Variants in SP100 observed in about 807,000 individuals in gnomAD.
SP100 encodes the protein SP100 nuclear body protein, also known as nuclear autoantigen Sp-100.
SP100 carries 84 observed loss-of-function variants against 130.0 expected under a neutral mutation model. The ratio of observed to expected loss-of-function variants is 0.65; its 90% CI spans 0.54 to 0.77. The LOEUF is 0.77. SP100 is among the 30% of genes least tolerant of loss of function. The pLI, the probability that SP100 is intolerant of heterozygous loss-of-function variation, is 0.00. For missense variants in SP100, 978 were observed against 1,052.2 expected (o/e 0.93, Z 0.97); for synonymous variants, 331 against 351.7 (o/e 0.94, Z 0.66).
At chr2:230,476,748 G>A (rs1176825558) in intron 17 of SP100, among the ~76,000 whole-genome samples, 2 of 152,104 alleles carry the variant, frequency 1.3e-5, no homozygotes, top group Non-Finnish European at 2.9e-5. Context: ...CTGCTTTAAT[G>A]TGCATTGTTT....
At chr2:230,537,447 G>T (rs1691990469) in intron 24 of SP100, among the ~76,000 whole-genome samples, 3 of 152,152 alleles carry the variant, frequency 2.0e-5, no homozygotes, top group Admixed American at 2.0e-4. Flanking sequence ...CATCTCTGGG[G>T]TCTGCATAAC....
At chr2:230,499,281 G>A (rs983895838) in intron 19 of SP100, among the ~76,000 whole-genome samples, 1 of 151,184 alleles carries the variant, frequency 6.6e-6, no homozygotes, top group East Asian at 1.9e-4. Flanking sequence ...GATGATTCTG[G>A]AACTCTGATG....
chr2:230,489,919 T>A (rs1384942257), intron 17 of SP100, among the ~76,000 whole-genome samples: 1 of 152,180 alleles, frequency 6.6e-6, no homozygotes, highest in African/African-American at 2.4e-5. Flanking sequence ...TGCTGAGGAG[T>A]ATTTTACTTC....
chr2:230,447,694 T>C (rs2063769152), intron 5 of SP100, among the ~76,000 whole-genome samples: 2 of 152,240 alleles, frequency 1.3e-5, no homozygotes, highest in Non-Finnish European at 2.9e-5. Context: ...CTGCCCTCTC[T>C]GGGACACGAC....
At position 230,464,133 on chromosome 2, in the gene SP100, G is replaced by A. The variant is rs758471253; in HGVS notation, c.1124G>A (p.Arg375Gln). Residue 375 changes from arginine (R) to glutamine (Q), a missense_variant, in exon 11 of 29, where the codon CGA becomes CAA. Coordinates refer to ENST00000340126, the MANE Select transcript of SP100 (RefSeq NM_001080391.2). ...GAGGGCCAAGAAGCCACTTGCTCACGACCCCAGATTGTACCAGGTAAGAAT... is the reference window on the plus strand; with the variant it reads ...GAGGGCCAAGAAGCCACTTGCTCACAACCCCAGATTGTACCAGGTAAGAAT... ...EKEGQEATCS[R>Q]PQIVPEPMDF... 3.7e-5 allele frequency: 59 copies of A among 1,609,198 alleles called. No individual in the cohort carries two copies. The African/African-American group carries it at 5.2e-4, about 14-fold the overall frequency.
chr2:230,472,195 G>C (rs780299402), intron 15 of SP100, among the ~76,000 whole-genome samples: 1 of 152,066 alleles, frequency 6.6e-6, no homozygotes, highest in Non-Finnish European at 1.5e-5. Context: ...TTGGGAGGCC[G>C]AGGTGGGCGG....
chr2:230,496,770 T>C (rs974962914), intron 18 of SP100, among the ~76,000 whole-genome samples: 2 of 152,004 alleles, frequency 1.3e-5, no homozygotes, highest in African/African-American at 4.8e-5. Flanking sequence ...CTCTGGGAGG[T>C]CCACACTACA....
chr2:230,508,969 A>G (rs1690372666), intron 23 of SP100: 1 of 148,840 alleles, frequency 6.7e-6, no homozygotes, highest in African/African-American at 2.5e-5. Context: ...ACACACACAC[A>G]TACACACACA....
chr2:230,463,684 G>T, intron 10 of SP100: 1 of 159,452 alleles, frequency 6.3e-6, no homozygotes, highest in South Asian at 1.8e-4. Context: ...TCTCAGCCTT[G>T]TAAACAATTC....
chr2:230,474,547 A>G, intron 17 of SP100, 100 bp downstream of exon 17: 2 of 672,372 alleles, frequency 3.0e-6, no homozygotes, highest in Non-Finnish European at 5.2e-6. Flanking sequence ...AACTTTTATT[A>G]TAGATTAAAG....
At chr2:230,474,177 T>C (rs1347154439) in intron 16 of SP100, among the ~76,000 whole-genome samples, 2 of 152,196 alleles carry the variant, frequency 1.3e-5, no homozygotes, top group Non-Finnish European at 2.9e-5. Context: ...AGGAAATTGG[T>C]GCATAAAAGT....
At chr2:230,462,552 T>G (rs762439101) in intron 10 of SP100, 34 bp downstream of exon 10, 64 of 1,503,996 alleles carry the variant, frequency 4.3e-5, no homozygotes, top group Non-Finnish European at 5.5e-5. Context: ...GCTTGGGCTG[T>G]GGGAATCTGA....
At chr2:230,502,161 G>A (rs959794201) in intron 19 of SP100, among the ~76,000 whole-genome samples, 2 of 152,058 alleles carry the variant, frequency 1.3e-5, no homozygotes, top group Non-Finnish European at 2.9e-5. Context: ...GGGATTACAG[G>A]CTTGAGCCAC....
intron 23 of SP100, 104 bp downstream of exon 23, chr2:230,508,135 G>A (rs1256719271): frequency 5.9e-6 from 9 of 1,530,414 alleles, no homozygotes; most frequent in Admixed American, 2.1e-5. Context: ...CATAAAATTT[G>A]ATTTTATAAT....
rs1432441002 is a variant in SP100, at chr2:230,446,981, A to C, written c.523+79A>C. ...TCTGAGTGGAGATTGTGAATCAGGG[A>C]AGACATATGGAAGGACTATGGAGAA... On this transcript the variant is annotated intron_variant, in intron 5 of 28. Coordinates refer to ENST00000340126, the MANE Select transcript of SP100 (RefSeq NM_001080391.2). 2.7e-5 allele frequency: 22 copies of C among 820,060 alleles called. 1 individual carries two copies. The East Asian group carries it at 5.4e-4, about 20-fold the overall frequency. The allele number at this position is 820,060 out of a possible 1,614,324, so 50.8% of individuals were successfully genotyped here.
In SP100 at chr2:230,506,342, G is replaced by T. The variant is rs759550942; in HGVS notation, c.1910G>T (p.Trp637Leu). The change falls in exon 22 of 29, where the codon TGG becomes TTG. Residue 637 changes from tryptophan to leucine, a missense_variant. Physicochemically the swap from Trp to Leu is moderately conservative, Grantham distance 61. Coordinates refer to ENST00000340126, the MANE Select transcript of SP100 (RefSeq NM_001080391.2). ...KKCIQSEDKK[W>L]FTPREFEIEG... ...TGTATACAGAGTGAGGATAAAAAGTGGTTCACTCCCAGGGAATTTGAAATT... is the reference window on the plus strand; with the variant it reads ...TGTATACAGAGTGAGGATAAAAAGTTGTTCACTCCCAGGGAATTTGAAATT... 1.9e-6 allele frequency: 3 copies of T among 1,613,880 alleles called. No individual in the cohort carries two copies. Among genetic ancestry groups the T allele is most frequent in the Non-Finnish European group, 2.5e-6 (3 of 1,179,810 alleles).
At chr2:230,438,045 G>A (rs2063347218) in intron 2 of SP100, among the ~76,000 whole-genome samples, 1 of 152,132 alleles carries the variant, frequency 6.6e-6, no homozygotes, top group African/African-American at 2.4e-5. Flanking sequence ...AATGGGAACA[G>A]TCTTGCTTTT....
intron 2 of SP100, among the ~76,000 whole-genome samples, chr2:230,422,435 T>G (rs2062794313): frequency 6.6e-6 from 1 of 152,192 alleles, no homozygotes; most frequent in South Asian, 2.1e-4. Context: ...TGTGCCTCAT[T>G]TTGATTTTTC....
intron 17 of SP100, among the ~76,000 whole-genome samples, chr2:230,478,459 T>A (rs1559510698): frequency 6.6e-6 from 1 of 152,206 alleles, no homozygotes; most frequent in Admixed American, 6.5e-5. Context: ...TATGTTAACA[T>A]AGAACAGAAC....
Sources: gnomAD v4.1 joint callset for allele counts (sites outside exome capture counted in the v4.1 genomes callset) on GRCh38, gnomAD v4.1.1 for gene constraint, MANE v1.5 for transcripts, NCBI Gene and HGNC (gene_info 2026-07-23, HGNC 2026-07-21) for gene names.